The following CDK12 variants were observed in gnomAD, a reference collection of about 807,000 sequenced individuals.
CDK12 encodes cyclin dependent kinase 12.
In CDK12, 17 loss-of-function variants were observed where a neutral mutation model predicts 133.8. The ratio of observed to expected loss-of-function variants is 0.13; its 90% CI spans 0.09 to 0.19. The LOEUF is 0.19. Ranked by LOEUF, CDK12 falls within the 10% of genes least tolerant of loss-of-function variation. The probability of loss-of-function intolerance (pLI) is 1.00; values close to 1 mark genes in which losing one functional copy is unlikely to be tolerated. For synonymous variants in CDK12, 694 were observed against 683.6 expected, an observed-to-expected ratio of 1.02 and a Z score of -0.24; for missense variants, 1,508 against 1,818.7, an observed-to-expected ratio of 0.83 and a Z score of 3.11.
downstream of CDK12, among the ~76,000 whole-genome samples, chr17:39,565,910 A>G (rs1034678736): frequency 2.6e-5 from 4 of 152,170 alleles, no homozygotes; most frequent in Admixed American, 2.6e-4. Flanking sequence ...AAAACCCCAC[A>G]CCTGACCTGG....
Position 39,462,688 on chromosome 17 carries a change from C to T in CDK12, c.617C>T (p.Thr206Ile), listed in dbSNP as rs1301717569. 5 of 1,614,062 alleles carry T rather than the reference C, an allele frequency of 3.1e-6. No individual in the cohort carries two copies. Among genetic ancestry groups the T allele is most frequent in the Non-Finnish European group, 4.2e-6 (5 of 1,180,044 alleles). Reference sequence around the variant, plus strand: ...AGTAAAAGTCATCGAAAAAGGGAAACACCCAAAAGTTACAAAACAGTGGAC... The same window carrying T: ...AGTAAAAGTCATCGAAAAAGGGAAATACCCAAAAGTTACAAAACAGTGGAC... ...DRSKSHRKRE[T>I]PKSYKTVDSP... is the part of the protein sequence containing the mutation. Residue 206 changes from threonine to isoleucine, a missense_variant, in exon 1 of 14, where the codon ACA becomes ATA. Around this residue, in one of 9 missense-constraint regions of CDK12, gnomAD observed 460 missense variants for 490.8 expected, o/e 0.94. Coordinates refer to ENST00000447079, the MANE Select transcript of CDK12 (RefSeq NM_016507.4).
chr17:39,555,386 C>A (rs1335029334), intron 2 of CDK12, among the ~76,000 whole-genome samples: 1 of 151,792 alleles, frequency 6.6e-6, no homozygotes, highest in Non-Finnish European at 1.5e-5. Context: ...GCTGGCAGCT[C>A]TGCTCTCCTG....
chr17:39,546,040 G>C (rs11654853), upstream of CDK12: 95,739 of 150,682 alleles, frequency 0.64, 32,901 homozygotes, highest in South Asian at 0.89. Context: ...CATGATCCGC[G>C]CACCTCGGCC....
chr17:39,518,868 C>T (rs1437701611), intron 10 of CDK12, among the ~76,000 whole-genome samples: 2 of 151,852 alleles, frequency 1.3e-5, no homozygotes, highest in Non-Finnish European at 2.9e-5. Flanking sequence ...CCAGAATTGG[C>T]CATATTTTTT....
chr17:39,484,119 C>T (rs181696214), intron 2 of CDK12, among the ~76,000 whole-genome samples: 135 of 152,284 alleles, frequency 8.9e-4, no homozygotes, highest in African/African-American at 3.0e-3. Flanking sequence ...GCTGGGACTA[C>T]AGGCCGTAGT....
intron 11 of CDK12, among the ~76,000 whole-genome samples, chr17:39,520,754 G>A (rs1434609687): frequency 5.3e-5 from 8 of 151,992 alleles, no homozygotes; most frequent in Admixed American, 3.3e-4. Context: ...TCCACCTCCC[G>A]GGTTCTAGCG....
At position 39,530,951 on chromosome 17, in the gene CDK12, C is replaced by T; in HGVS notation, c.4108C>T (p.Leu1370=). Residue 1370 remains leucine, a synonymous_variant, in exon 14 of 14, where the codon CTG becomes TTG. Transcript: ENST00000447079. The part of the protein sequence containing the change: ...PALTESLVQT[L]VKNRTFSGSL... ...CTTGACAGAATCCTTGGTCCAGACC[C>T]TGGTGAAGAACAGGACCTTCTCAGG... The T allele has an allele frequency of 1.2e-6, 2 of 1,614,214 alleles. No homozygotes were observed. Among genetic ancestry groups the T allele is most frequent in the South Asian group, 2.2e-5 (2 of 91,076 alleles).
At position 39,532,912 on chromosome 17, in the gene CDK12, C is replaced by T. The variant is rs1481195690; in HGVS notation, c.*1596C>T. 1 of 232,914 alleles carries T rather than the reference C, an allele frequency of 4.3e-6. No individual in the cohort carries two copies. The highest frequency in any genetic ancestry group is 2.2e-5 in the African/African-American group (1 of 45,320). The allele number at this position is 232,914 out of a possible 1,614,324, so 14.4% of individuals were successfully genotyped here. A position where few individuals can be genotyped will look rare whatever the true frequency, so the allele number is the denominator to read the frequency against. Reference sequence around the variant, plus strand: ...ATGTCATATAATTTATCTGCACAGACTTAGACCTTCAGGAAACATAGGTTA... The same window carrying T: ...ATGTCATATAATTTATCTGCACAGATTTAGACCTTCAGGAAACATAGGTTA... On this transcript the variant is annotated 3_prime_UTR_variant, in exon 14 of 14. Transcript: ENST00000447079.
intron 2 of CDK12, among the ~76,000 whole-genome samples, chr17:39,472,276 C>T (rs1439087929): frequency 1.3e-5 from 2 of 151,890 alleles, no homozygotes; most frequent in South Asian, 2.1e-4. Context: ...GAGCCACCAT[C>T]CCTAGCCTAA....
chr17:39,517,293 G>C, intron 9 of CDK12, 147 bp from the exon 10 acceptor site: 1 of 629,004 alleles, frequency 1.6e-6, no homozygotes, highest in Non-Finnish European at 2.9e-6. Context: ...AAGCAGTAAT[G>C]TCATATTTTC....
chr17:39,463,451 A>T (rs2049088236), intron 1 of CDK12, among the ~76,000 whole-genome samples: 1 of 152,098 alleles, frequency 6.6e-6, no homozygotes, highest in Non-Finnish European at 1.5e-5. Flanking sequence ...TCTGTTGCTT[A>T]GTTTTATATT....
At chr17:39,494,107 G>T (rs969377808) in intron 4 of CDK12, among the ~76,000 whole-genome samples, 5 of 152,056 alleles carry the variant, frequency 3.3e-5, no homozygotes, top group Non-Finnish European at 7.4e-5. Context: ...ACCCAGGGTG[G>T]AGTGCAATGA....
intron 3 of CDK12, among the ~76,000 whole-genome samples, chr17:39,491,067 T>C (rs565078459): frequency 6.6e-6 from 1 of 152,294 alleles, no homozygotes; most frequent in East Asian, 1.9e-4. Flanking sequence ...GTCAATCGTG[T>C]ACACATTAAC....
chr17:39,525,836 T>C (rs1200458261), intron 12 of CDK12, 28 bp from the exon 13 acceptor site: 2 of 1,590,070 alleles, frequency 1.3e-6, no homozygotes, highest in African/African-American at 2.7e-5. Context: ...TCTCATCGTC[T>C]TATATTGGCT....
intron 8 of CDK12, among the ~76,000 whole-genome samples, chr17:39,513,557 C>T (rs552922956): frequency 5.3e-5 from 8 of 152,270 alleles, no homozygotes; most frequent in East Asian, 1.9e-4. Context: ...TTAAGATGCA[C>T]GAGGAAAGTT....
downstream of CDK12, chr17:39,535,200 C>T (rs1203961452): frequency 6.6e-6 from 1 of 152,106 alleles, no homozygotes; most frequent in African/African-American, 2.4e-5. Flanking sequence ...TGCTGCAATC[C>T]TGCTAGTTAT....
At chr17:39,481,670 C>T (rs1464756643) in intron 2 of CDK12, among the ~76,000 whole-genome samples, 3 of 12,550 alleles carry the variant, frequency 2.4e-4, no homozygotes, top group African/African-American at 4.6e-4. Context: ...CTCTCTCTCT[C>T]TCTCTCTCTC....
intron 1 of CDK12, among the ~76,000 whole-genome samples, chr17:39,468,658 A>G (rs7219294): frequency 0.63 from 95,472 of 151,238 alleles, 32,868 homozygotes; most frequent in South Asian, 0.89. Context: ...TATTTTTAGT[A>G]GAGACAGGGT....
chr17:39,554,881 G>A (rs374108926), intron 2 of CDK12, among the ~76,000 whole-genome samples: 12 of 133,898 alleles, frequency 9.0e-5, no homozygotes, highest in Non-Finnish European at 1.6e-4. Flanking sequence ...GCAACAGAGC[G>A]AGACTCCGTC....
Sources: gnomAD v4.1 joint callset for allele counts (sites outside exome capture counted in the v4.1 genomes callset) on GRCh38, gnomAD v4.1.1 for gene constraint, gnomAD v4.1.1 regional missense constraint, MANE v1.5 for transcripts, NCBI Gene and HGNC (gene_info 2026-07-23, HGNC 2026-07-21) for gene names.